The following RNF144A variants were observed in gnomAD, a reference collection of about 807,000 sequenced individuals.
RNF144A encodes the protein ring finger protein 144A, also known as E3 ubiquitin-protein ligase RNF144A.
In RNF144A, 11 loss-of-function variants were observed where a neutral mutation model predicts 38.7. The ratio of observed to expected loss-of-function variants is 0.28; its 90% CI spans 0.18 to 0.47. The LOEUF is 0.47. RNF144A is among the 20% of genes least tolerant of loss of function. The pLI, the probability that RNF144A is intolerant of heterozygous loss-of-function variation, is 0.99. For synonymous variants in RNF144A, 149 were observed against 143.9 expected (o/e 1.04, Z -0.25); for missense variants, 316 against 377.2 (o/e 0.84, Z 1.34).
chr2:6,920,374 G>A (rs546715075), intron 1 of RNF144A, among the ~76,000 whole-genome samples: 1 of 152,188 alleles, frequency 6.6e-6, no homozygotes, highest in African/African-American at 2.4e-5. Context: ...AGGTAGCCCA[G>A]GCCACATGAA....
At chr2:7,025,097 A>G (rs942093042) in intron 7 of RNF144A, among the ~76,000 whole-genome samples, 2 of 152,138 alleles carry the variant, frequency 1.3e-5, no homozygotes, top group Admixed American at 1.3e-4. Context: ...CTCTGGCAGA[A>G]TGGAAGTTCT....
At chr2:7,071,363 T>C (rs574710184), downstream of RNF144A, among the ~76,000 whole-genome samples, 9 of 152,294 alleles carry the variant, frequency 5.9e-5, no homozygotes, top group South Asian at 1.0e-3. Context: ...GCAGAGTTCC[T>C]TATGTGCTTG....
chr2:7,050,256 C>T (rs1479210823), intron 6 of RNF144A, among the ~76,000 whole-genome samples: 8 of 152,076 alleles, frequency 5.3e-5, no homozygotes, highest in African/African-American at 9.7e-5. Context: ...ATATTGTTCT[C>T]GTGGTAGTGA....
chr2:6,985,486 T>G (rs527618426), intron 2 of RNF144A, among the ~76,000 whole-genome samples: 12 of 152,134 alleles, frequency 7.9e-5, no homozygotes, highest in Admixed American at 7.2e-4. Flanking sequence ...AGTGGAAGGA[T>G]TAGGGGCTTG....
intron 3 of RNF144A, among the ~76,000 whole-genome samples, chr2:7,008,980 C>A (rs1167705976): frequency 6.6e-6 from 1 of 152,210 alleles, no homozygotes; most frequent in Non-Finnish European, 1.5e-5. Flanking sequence ...AACACAAAAT[C>A]ATTCCGTCCA....
rs1234143980 is a variant in RNF144A at position 6,958,967 on chromosome 2, G to A, written c.-12+17820G>A. 1.3e-5 allele frequency among the ~76,000 whole-genome samples: 2 copies of A among 152,210 alleles called. No individual in the cohort carries two copies. Among genetic ancestry groups the A allele is most frequent in the African/African-American group, 2.4e-5 (1 of 41,452 alleles). ...TGCATTAGATCATCTTGCAGGTGCA[G>A]CGTGGGCGTCCAGTTACTGCTCTCC... On this transcript the variant is annotated intron_variant, in intron 2 of 8. Transcript: ENST00000320892. This position sits in a 1 kb window ranked among gnomAD's most constrained non-coding sequence, Gnocchi z 4.5.
At position 6,944,413 on chromosome 2, in the gene RNF144A, G is replaced by T. The variant is rs774275069; in HGVS notation, c.-12+3266G>T. ...GATCTTCCCCTCCACTTACCCGATT[G>T]CCTACTTACCCCTTTGGTGATACTG... is the stretch of plus-strand genomic sequence containing the variant. On this transcript the variant is annotated intron_variant, in intron 2 of 8. Transcript: ENST00000320892. This position sits in a 1 kb window ranked among gnomAD's most constrained non-coding sequence, Gnocchi z 4.7. Among the ~76,000 whole-genome samples, 2 of 151,998 alleles carry T rather than the reference G, an allele frequency of 1.3e-5. No individual in the cohort carries two copies. Among genetic ancestry groups the T allele is most frequent in the Admixed American group, 6.5e-5 (1 of 15,270 alleles).
intron 1 of RNF144A, among the ~76,000 whole-genome samples, chr2:6,936,123 A>G (rs1665558714): frequency 6.6e-6 from 1 of 152,202 alleles, no homozygotes; most frequent in African/African-American, 2.4e-5. Flanking sequence ...AGCAGTGAGC[A>G]TGTTTGTGGA....
chr2:7,030,183 T>TC lies in RNF144A; in HGVS notation c.718dup (p.Arg240ProfsTer45). On this transcript the variant is annotated frameshift_variant, in exon 8 of 9. Transcript: ENST00000320892. LOFTEE classifies it high-confidence loss of function. ...ACCCTGCCGGAACAAGCTGGGCCAC[T>TC]CCCGGGCATCTGTGATCTGGCATCG... 1 of 1,613,752 alleles carries TC rather than the reference T, an allele frequency of 6.2e-7. No individual in the cohort carries two copies. The highest frequency in any genetic ancestry group is 8.5e-7 in the Non-Finnish European group (1 of 1,179,870).
chr2:7,017,868 C>T (rs966807227), intron 5 of RNF144A, among the ~76,000 whole-genome samples: 4 of 152,154 alleles, frequency 2.6e-5, no homozygotes, highest in Admixed American at 6.5e-5. Context: ...TCAGAGCGGC[C>T]GTTTGTCCCT....
chr2:7,046,495 A>G (rs952323993), downstream of RNF144A, among the ~76,000 whole-genome samples: 3 of 152,268 alleles, frequency 2.0e-5, no homozygotes, highest in African/African-American at 7.2e-5. Flanking sequence ...AGTCTTGCAC[A>G]GGATTTTTCT....
chr2:7,018,948 G>A (rs1454500763), intron 5 of RNF144A, among the ~76,000 whole-genome samples: 1 of 151,642 alleles, frequency 6.6e-6, no homozygotes, highest in Non-Finnish European at 1.5e-5. Context: ...GCCATGGCTA[G>A]TGGGCCAAAT....
At chr2:6,954,359 G>GT (rs1558380289) in intron 2 of RNF144A, among the ~76,000 whole-genome samples, 1 of 151,756 alleles carries the variant, frequency 6.6e-6, no homozygotes, top group Non-Finnish European at 1.5e-5. Context: ...TGCACAGAAA[G>GT]TAAAAAAAAA....
downstream of RNF144A, among the ~76,000 whole-genome samples, chr2:7,048,466 G>A (rs1673392708): frequency 3.3e-5 from 5 of 152,222 alleles, no homozygotes; most frequent in South Asian, 6.2e-4. Flanking sequence ...AACAAACAAC[G>A]AGCAGACCAT....
intron 2 of RNF144A, among the ~76,000 whole-genome samples, chr2:6,959,743 C>T (rs1667223230): frequency 6.6e-6 from 1 of 152,180 alleles, no homozygotes; most frequent in African/African-American, 2.4e-5. Flanking sequence ...TTAATCCGGT[C>T]ATGAGGGCAG....
chr2:7,015,814 C>A (rs1259177667), intron 5 of RNF144A, among the ~76,000 whole-genome samples: 1 of 152,094 alleles, frequency 6.6e-6, no homozygotes, highest in Non-Finnish European at 1.5e-5. Context: ...CTCTCCCTCT[C>A]CCTGCACTGA....
intron 1 of RNF144A, among the ~76,000 whole-genome samples, chr2:6,922,631 T>C (rs988578138): frequency 6.6e-6 from 1 of 150,586 alleles, no homozygotes; most frequent in Non-Finnish European, 1.5e-5. Context: ...TTTTTCTTTT[T>C]TTTTTTTTTT....
chr2:6,932,579 A>AT (rs1206988233), intron 1 of RNF144A, among the ~76,000 whole-genome samples: 6 of 152,064 alleles, frequency 3.9e-5, no homozygotes, highest in Non-Finnish European at 2.9e-5. Context: ...TAAATAAACT[A>AT]TTTTTTTCCT....
chr2:6,921,989 T>G (rs1664566137), intron 1 of RNF144A, among the ~76,000 whole-genome samples: 1 of 152,214 alleles, frequency 6.6e-6, no homozygotes, highest in Admixed American at 6.5e-5. Flanking sequence ...GACCCAGATT[T>G]CCGTGTGTAA....
Sources: gnomAD v4.1 joint callset for allele counts (sites outside exome capture counted in the v4.1 genomes callset) on GRCh38, gnomAD v4.1.1 for gene constraint, Gnocchi (gnomAD v3.1) non-coding constraint, MANE v1.5 for transcripts, NCBI Gene and HGNC (gene_info 2026-07-23, HGNC 2026-07-21) for gene names.